TEX15: variants seen among roughly 807,000 people sequenced by gnomAD.
The protein encoded by TEX15 is testis-expressed protein 15.
A neutral mutation model predicts 237.3 loss-of-function variants in TEX15; 171 were observed. The ratio of observed to expected loss-of-function variants is 0.72; its 90% CI spans 0.64 to 0.82. The LOEUF (loss-of-function observed/expected upper bound fraction) is 0.82. Among genes scored for constraint, TEX15 ranks in the 40% least tolerant of loss-of-function variants. The probability of loss-of-function intolerance (pLI) is 0.00; values close to 1 mark genes in which losing one functional copy is unlikely to be tolerated. For synonymous variants in TEX15, 1,338 were observed against 1,269.8 expected (o/e 1.05, Z -1.14); for missense variants, 3,750 against 3,646.5 (o/e 1.03, Z -0.73).
In TEX15 at chr8:30,888,537, T is replaced by C; in HGVS notation, c.-9-1226A>G. 2 of 1,032,162 alleles carry C rather than the reference T, an allele frequency of 1.9e-6. 1 individual carries two copies. The allele number at this position is 1,032,162 out of a possible 1,614,324, so 63.9% of individuals were successfully genotyped here. A position where few individuals can be genotyped will look rare whatever the true frequency, so the allele number is the denominator to read the frequency against. Reference sequence around the variant, plus strand: ...GCAACCTCCATCCCCTGCCAAATATTGATTCTTAACCTCTTTAAGTAGAAC... The same window carrying C: ...GCAACCTCCATCCCCTGCCAAATATCGATTCTTAACCTCTTTAAGTAGAAC... On this transcript the variant is annotated intron_variant, in intron 2 of 10. Transcript: ENST00000643185.
Position 30,846,925 on chromosome 8 carries a change from T to C in TEX15, c.3242A>G (p.His1081Arg), listed in dbSNP as rs762942355. 1.7e-5 allele frequency: 28 copies of C among 1,613,546 alleles called. 1 individual carries two copies. The highest frequency in any genetic ancestry group is 3.3e-4 in the Middle Eastern group (2 of 6,082). The change falls in exon 8 of 11, where the codon CAT becomes CGT. Residue 1081 changes from histidine to arginine, a missense_variant. Physicochemically the swap from His to Arg is conservative, Grantham distance 29 (BLOSUM62 0). Transcript: ENST00000643185. Reference protein sequence around the residue: ...AFIFQQDTHSHENMLCEEFVT... With the variant: ...AFIFQQDTHSRENMLCEEFVT... ...AAATTCTTCACAAAGCATGTTTTCA[T>C]GGCTATGTGTATCTTGTTGAAATAT...
chr8:30,843,179 T>G lies in TEX15; in HGVS notation c.6988A>C (p.Ile2330Leu), dbSNP rs140311496. Reference protein sequence around the residue: ...KDLNNEPISPIGLEEDTIIAS... With the variant: ...KDLNNEPISPLGLEEDTIIAS... Reference sequence around the variant, plus strand: ...ATTATAGTATCCTCCTCAAGCCCAATAGGGGAAATTGGTTCATTGTTTAAA... The same window carrying G: ...ATTATAGTATCCTCCTCAAGCCCAAGAGGGGAAATTGGTTCATTGTTTAAA... The change falls in exon 8 of 11, where the codon ATT (isoleucine) becomes CTT (leucine). Residue 2330 changes from isoleucine (I) to leucine (L), a missense_variant. Transcript: ENST00000643185. The G allele has an allele frequency of 2.3e-5, 37 of 1,613,436 alleles. No homozygotes were observed. Among genetic ancestry groups the G allele is most frequent in the Non-Finnish European group, 2.9e-5 (34 of 1,179,628 alleles).
At chr8:30,875,771 G>C (rs1808387709) in intron 3 of TEX15, among the ~76,000 whole-genome samples, 1 of 151,818 alleles carries the variant, frequency 6.6e-6, no homozygotes, top group South Asian at 2.1e-4. Context: ...TGTTCTTGGG[G>C]GAAAGGAAAG....
At position 30,833,218 on chromosome 8, in the gene TEX15, A is replaced by C; in HGVS notation, c.*68T>G. Reference sequence around the variant, plus strand: ...AACATTAAAAATCGCTAAATGTTAAAAAATATATAAGTAAAAAATATTTGG... The same window carrying C: ...AACATTAAAAATCGCTAAATGTTAACAAATATATAAGTAAAAAATATTTGG... On this transcript the variant is annotated 3_prime_UTR_variant, in exon 11 of 11. Coordinates refer to ENST00000643185, the MANE Select transcript of TEX15 (RefSeq NM_001350162.2). 2 of 1,108,774 alleles carry C rather than the reference A, an allele frequency of 1.8e-6. No individual in the cohort carries two copies. The highest frequency in any genetic ancestry group is 2.6e-6 in the Non-Finnish European group (2 of 774,956). The allele number at this position is 1,108,774 out of a possible 1,614,324, so 68.7% of individuals were successfully genotyped here.
intron 5 of TEX15, among the ~76,000 whole-genome samples, chr8:30,863,682 A>C (rs944638425): frequency 1.1e-4 from 16 of 152,008 alleles, no homozygotes; most frequent in African/African-American, 3.4e-4. Context: ...TAAAAAAAAA[A>C]TACTACTCAA....
Position 30,846,739 on chromosome 8 carries a change from T to C in TEX15, c.3428A>G (p.Asn1143Ser), listed in dbSNP as rs779910518. The C allele has an allele frequency of 1.5e-5, 24 of 1,613,798 alleles. No individual in the cohort carries two copies. Among genetic ancestry groups the C allele is most frequent in the African/African-American group, 2.7e-5 (2 of 74,932 alleles). ...AATTGGGCTGGTAAGTTCTGTTTCA[T>C]TGTTTTGTGTAGAGGAATAAAAATA... Reference protein sequence around the residue: ...SNYFYSSTQNNETELTSPILL... With the variant: ...SNYFYSSTQNSETELTSPILL... Residue 1143 changes from asparagine to serine, a missense_variant, in exon 8 of 11, where the codon AAT becomes AGT. Transcript: ENST00000643185.
chr8:30,897,372 G>A (rs565591052), intron 2 of TEX15, among the ~76,000 whole-genome samples: 34 of 152,162 alleles, frequency 2.2e-4, no homozygotes, highest in Non-Finnish European at 4.7e-4. Flanking sequence ...TATGCAAGCC[G>A]ATGCCTTAAA....
intron 4 of TEX15, among the ~76,000 whole-genome samples, chr8:30,869,341 C>T (rs1808241938): frequency 6.6e-6 from 1 of 151,898 alleles, no homozygotes; most frequent in Non-Finnish European, 1.5e-5. Context: ...ATTAAAGAAA[C>T]CATTGACTAG....
chr8:30,837,557 T>C lies in TEX15; in HGVS notation c.8727A>G (p.Leu2909=), dbSNP rs1451986172. 4 of 1,614,054 alleles carry C rather than the reference T, an allele frequency of 2.5e-6. No homozygotes were observed. Among genetic ancestry groups the C allele is most frequent in the Non-Finnish European group, 2.5e-6 (3 of 1,179,952 alleles). The change falls in exon 10 of 11, where the codon CTA becomes CTG. Residue 2909 remains leucine, a synonymous_variant. Coordinates refer to ENST00000643185, the MANE Select transcript of TEX15 (RefSeq NM_001350162.2). ...FCFVKDVHPD[L]EMNDTVFELQ... is the part of the protein sequence containing the mutation. ...GTTCAAAGACTGTGTCATTCATTTCTAGATCAGGATGGACATCTTTCACAA... is the reference window on the plus strand; with the variant it reads ...GTTCAAAGACTGTGTCATTCATTTCCAGATCAGGATGGACATCTTTCACAA...
chr8:30,845,237 T>C lies in TEX15; in HGVS notation c.4930A>G (p.Lys1644Glu). 2 of 1,613,592 alleles carry C rather than the reference T, an allele frequency of 1.2e-6. No individual in the cohort carries two copies. The highest frequency in any genetic ancestry group is 1.1e-5 in the South Asian group (1 of 91,058). Reference sequence around the variant, plus strand: ...GATATAAGTACGTCAGTTTTCGCCTTTGTGTGACCTATGCAAGTTGCATCA... The same window carrying C: ...GATATAAGTACGTCAGTTTTCGCCTCTGTGTGACCTATGCAAGTTGCATCA... ...DCDATCIGHTKAKTDVLISVL... is the reference protein window; with the variant it reads ...DCDATCIGHTEAKTDVLISVL... Residue 1644 changes from lysine to glutamate, a missense_variant, in exon 8 of 11, where the codon AAG becomes GAG. Lys to Glu is a moderately conservative substitution (Grantham distance 56, BLOSUM62 1). Coordinates refer to ENST00000643185, the MANE Select transcript of TEX15 (RefSeq NM_001350162.2).
intron 1 of TEX15, among the ~76,000 whole-genome samples, chr8:30,903,369 G>A (rs1809041401): frequency 6.6e-6 from 1 of 152,172 alleles, no homozygotes; most frequent in Non-Finnish European, 1.5e-5. Flanking sequence ...CAAAGTTAAG[G>A]GGCCCCCAGG....
chr8:30,837,217 C>G lies in TEX15; in HGVS notation c.9067G>C (p.Ala3023Pro). 1 of 1,614,102 alleles carries G rather than the reference C, an allele frequency of 6.2e-7. No homozygotes were observed. Among genetic ancestry groups the G allele is most frequent in the Non-Finnish European group, 8.5e-7 (1 of 1,180,024 alleles). The change falls in exon 10 of 11, where the codon GCA (alanine) becomes CCA (proline). Residue 3023 changes from alanine (A) to proline (P), a missense_variant. Ala to Pro is a conservative substitution (Grantham distance 27, BLOSUM62 -1). Transcript: ENST00000643185. The part of the protein sequence containing the change: ...ATYWNELPQS[A>P]CNPTYNSSEH... ...GAAGAATTATATGTTGGGTTACATGCAGACTGTGGAAGTTCATTCCAATAT... is the reference window on the plus strand; with the variant it reads ...GAAGAATTATATGTTGGGTTACATGGAGACTGTGGAAGTTCATTCCAATAT...
At chr8:30,872,427 C>T (rs1808310106) in intron 4 of TEX15, among the ~76,000 whole-genome samples, 1 of 152,064 alleles carries the variant, frequency 6.6e-6, no homozygotes, top group South Asian at 2.1e-4. Context: ...GTACAGTACA[C>T]AATACTTGTT....
In TEX15 at chr8:30,907,774, C is replaced by CAA. The variant is rs35997250; in HGVS notation, c.-86+5103_-86+5104dup. ...ATATCTAATTTATATATAATTACAC[C>CAA]AAAAAAAAAAAAAAAAGCCAGGCAT... On this transcript the variant is annotated intron_variant, in intron 1 of 10. Coordinates refer to ENST00000643185, the MANE Select transcript of TEX15 (RefSeq NM_001350162.2). 1.6e-3 allele frequency among the ~76,000 whole-genome samples: 176 copies of CAA among 111,522 alleles called. 2 individuals carry two copies. The highest frequency in any genetic ancestry group is 4.8e-3 in the Admixed American group (50 of 10,382). 73.2% of individuals were successfully genotyped at this position (111,522 alleles called of 152,430 possible). A position where few individuals can be genotyped will look rare whatever the true frequency, so the allele number is the denominator to read the frequency against.
intron 1 of TEX15, among the ~76,000 whole-genome samples, chr8:30,906,043 T>C (rs985756460): frequency 7.3e-6 from 1 of 137,310 alleles, no homozygotes; most frequent in Non-Finnish European, 1.5e-5. Flanking sequence ...CAGTATTTAG[T>C]AGATTAATTC....
At chr8:30,884,496 T>A (rs1808603691) in intron 3 of TEX15, among the ~76,000 whole-genome samples, 1 of 152,226 alleles carries the variant, frequency 6.6e-6, no homozygotes, top group Admixed American at 6.5e-5. Flanking sequence ...TAGTTATTGA[T>A]TCAATTTGTT....
chr8:30,847,177 A>T lies in TEX15; in HGVS notation c.2990T>A (p.Leu997Gln). 1 of 1,613,996 alleles carries T rather than the reference A, an allele frequency of 6.2e-7. No homozygotes were observed. Among genetic ancestry groups the T allele is most frequent in the Non-Finnish European group, 8.5e-7 (1 of 1,179,872 alleles). ...GTATATCTGGTGATCGTCATTATTT[A>T]GGCTTAATGCAGGCATAGTAGCACT... The part of the protein sequence containing the change: ...IASATMPALS[L>Q]NNDDHQIYQF... The change falls in exon 8 of 11, where the codon CTA becomes CAA. Residue 997 changes from leucine to glutamine, a missense_variant. Physicochemically the swap from Leu to Gln is moderately radical, Grantham distance 113. Transcript: ENST00000643185.
chr8:30,847,157 T>A lies in TEX15; in HGVS notation c.3010A>T (p.Ile1004Leu), dbSNP rs1237946469. The A allele has an allele frequency of 7.4e-6, 12 of 1,613,804 alleles. No homozygotes were observed. Among genetic ancestry groups the A allele is most frequent in the African/African-American group, 1.3e-5 (1 of 74,932 alleles). ...ALSLNNDDHQ[I>L]YQFKETCSSE... is the part of the protein sequence containing the mutation. ...GAACAAGTTTCTTTAAACTGGTATATCTGGTGATCGTCATTATTTAGGCTT... is the reference window on the plus strand; with the variant it reads ...GAACAAGTTTCTTTAAACTGGTATAACTGGTGATCGTCATTATTTAGGCTT... Residue 1004 changes from isoleucine to leucine, a missense_variant, in exon 8 of 11, where the codon ATA becomes TTA. Ile to Leu is a conservative substitution (Grantham distance 5). Transcript: ENST00000643185.
intron 3 of TEX15, among the ~76,000 whole-genome samples, chr8:30,875,776 G>C (rs966340710): frequency 4.0e-5 from 6 of 151,588 alleles, no homozygotes; most frequent in African/African-American, 1.5e-4. Context: ...TTGGGGGAAA[G>C]GAAAGGGTTA....
Sources: gnomAD v4.1 joint callset for allele counts (sites outside exome capture counted in the v4.1 genomes callset) on GRCh38, gnomAD v4.1.1 for gene constraint, MANE v1.5 for transcripts, NCBI Gene and HGNC (gene_info 2026-07-23, HGNC 2026-07-21) for gene names.